Variants in VCL observed in about 807,000 individuals in gnomAD.
The protein encoded by VCL is vinculin.
Under a neutral mutation model 125.7 loss-of-function variants are expected in VCL, and 47 were observed. The ratio of observed to expected loss-of-function variants is 0.37; its 90% CI spans 0.30 to 0.48. VCL has a LOEUF of 0.48. Among genes scored for constraint, VCL ranks in the 20% least tolerant of loss-of-function variants. VCL has a pLI of 0.99. For missense variants in VCL, 1,069 were observed against 1,455.5 expected, an observed-to-expected ratio of 0.73 and a Z score of 4.32; for synonymous variants, 458 against 514.6, an observed-to-expected ratio of 0.89 and a Z score of 1.49.
At chr10:74,105,596 AC>A (rs1840119512) in intron 16 of VCL, among the ~76,000 whole-genome samples, 1 of 151,730 alleles carries the variant, frequency 6.6e-6, no homozygotes, top group East Asian at 1.9e-4. Context: ...TGAGACTCTC[AC>A]CCAGGCCAGA....
intron 17 of VCL, 56 bp downstream of exon 17, chr10:74,107,410 A>G (rs569802475): frequency 6.2e-7 from 1 of 1,613,488 alleles, no homozygotes; most frequent in East Asian, 2.2e-5. Context: ...GACTTCAGCA[A>G]GAGAGAGGTA....
chr10:74,012,112 G>A (rs1840447476), intron 1 of VCL, among the ~76,000 whole-genome samples: 1 of 152,204 alleles, frequency 6.6e-6, no homozygotes, highest in Non-Finnish European at 1.5e-5. Flanking sequence ...AGTTGTTAGA[G>A]TTGAGAGTTG....
At chr10:74,101,323 CAA>C (rs946868220) in intron 14 of VCL, among the ~76,000 whole-genome samples, 2 of 139,158 alleles carry the variant, frequency 1.4e-5, no homozygotes, top group African/African-American at 5.2e-5. Context: ...CCGACTCTAC[CAA>C]AAAAAAAAAA....
intron 20 of VCL, among the ~76,000 whole-genome samples, 192 bp downstream of exon 20, chr10:74,114,579 AG>A (rs1840283698): frequency 6.6e-6 from 1 of 151,804 alleles, no homozygotes; most frequent in Non-Finnish European, 1.5e-5. Flanking sequence ...AGACAGATTC[AG>A]GAAAGGTTAC....
intron 1 of VCL, chr10:74,027,556 G>A (rs964294019): frequency 6.7e-6 from 1 of 150,052 alleles, no homozygotes; most frequent in Non-Finnish European, 1.5e-5. Context: ...AGCTACTCAG[G>A]AGGCTGAGGC....
At chr10:74,066,470 C>T (rs911886254) in intron 2 of VCL, among the ~76,000 whole-genome samples, 5 of 151,988 alleles carry the variant, frequency 3.3e-5, no homozygotes, top group East Asian at 3.9e-4. Flanking sequence ...GCATGCATAA[C>T]GGTATGATTC....
chr10:74,067,870 G>A (rs928797256), intron 2 of VCL, among the ~76,000 whole-genome samples: 1 of 152,144 alleles, frequency 6.6e-6, no homozygotes, highest in Non-Finnish European at 1.5e-5. Context: ...TGAGTATTGC[G>A]TGTTTTACTG....
intron 8 of VCL, among the ~76,000 whole-genome samples, chr10:74,084,594 TTC>T (rs1839737421): frequency 6.9e-6 from 1 of 145,874 alleles, no homozygotes; most frequent in Non-Finnish European, 1.6e-5. Context: ...GCCAAATTTT[TTC>T]TTTTTCTTTT....
intron 1 of VCL, among the ~76,000 whole-genome samples, chr10:74,008,896 A>G (rs1398809629): frequency 6.6e-6 from 1 of 152,200 alleles, no homozygotes; most frequent in Non-Finnish European, 1.5e-5. Context: ...GTCAACCCTT[A>G]AACCTTTCCA....
intron 2 of VCL, among the ~76,000 whole-genome samples, chr10:74,061,964 C>G (rs1006848622): frequency 4.8e-5 from 7 of 145,720 alleles, no homozygotes; most frequent in Non-Finnish European, 1.0e-4. Flanking sequence ...GGAGTGCAAT[C>G]ACGGCCCACT....
chr10:74,021,183 G>T (rs1840659074), intron 1 of VCL, among the ~76,000 whole-genome samples: 2 of 152,006 alleles, frequency 1.3e-5, no homozygotes, highest in Admixed American at 6.6e-5. Context: ...TTCCCAGGCT[G>T]CTCAGCAAAG....
At chr10:74,112,336 G>C (rs1466607195) in intron 19 of VCL, among the ~76,000 whole-genome samples, 1 of 152,078 alleles carries the variant, frequency 6.6e-6, no homozygotes, top group Non-Finnish European at 1.5e-5. Context: ...AAGAGAGATG[G>C]GGGGGGTCAC....
At chr10:74,070,898 T>C in intron 3 of VCL, 77 bp from the exon 4 acceptor site, 1 of 1,611,818 alleles carries the variant, frequency 6.2e-7, no homozygotes, top group Non-Finnish European at 8.5e-7. Flanking sequence ...GAAAATATGT[T>C]GAATGCTGCA....
intron 21 of VCL, among the ~76,000 whole-genome samples, chr10:74,116,360 T>C (rs944755473): frequency 2.0e-5 from 3 of 152,188 alleles, no homozygotes; most frequent in Non-Finnish European, 4.4e-5. Context: ...GTTTGCACAC[T>C]TCGCTGTTTC....
intron 2 of VCL, among the ~76,000 whole-genome samples, chr10:74,052,497 C>G (rs938667447): frequency 6.6e-6 from 1 of 151,636 alleles, no homozygotes; most frequent in Non-Finnish European, 1.5e-5. Context: ...ATGCCTCAGC[C>G]CCGCAAGTAG....
In VCL at chr10:74,097,217, G is replaced by T. The variant is rs774076269; in HGVS notation, c.1757G>T (p.Arg586Leu). Residue 586 changes from arginine to leucine, a missense_variant, in exon 13 of 22, where the codon CGG becomes CTG. Arg to Leu is a moderately radical substitution (Grantham distance 102). Coordinates refer to ENST00000211998, the MANE Select transcript of VCL (RefSeq NM_014000.3). The surrounding 1 kb of genome is among the most constrained non-coding windows in gnomAD (Gnocchi z 4.1). Reference sequence around the variant, plus strand: ...AATGTTTTTAAGGATCTAAAAGCTCGGATGCAGGAGGCCATGACTCAGGAA... The same window carrying T: ...AATGTTTTTAAGGATCTAAAAGCTCTGATGCAGGAGGCCATGACTCAGGAA... ...LQDSLKDLKA[R>L]MQEAMTQEVS... is the part of the protein sequence containing the mutation. The T allele has an allele frequency of 5.6e-6, 9 of 1,613,888 alleles. No homozygotes were observed. The highest frequency in any genetic ancestry group is 2.2e-5 in the South Asian group (2 of 91,046).
chr10:74,117,667 A>G (rs112282697), intron 21 of VCL, among the ~76,000 whole-genome samples: 44 of 152,334 alleles, frequency 2.9e-4, no homozygotes, highest in African/African-American at 1.0e-3. Flanking sequence ...AAGAATGAGC[A>G]GGGAAATCCT....
chr10:74,043,120 T>C lies in VCL; in HGVS notation c.206T>C (p.Ile69Thr). 1 of 1,613,476 alleles carries C rather than the reference T, an allele frequency of 6.2e-7. No individual in the cohort carries two copies. The highest frequency in any genetic ancestry group is 8.5e-7 in the Non-Finnish European group (1 of 1,179,688). ...KETVQTTEDQ[I>T]LKRDMPPAFI... Reference sequence around the variant, plus strand: ...ACTGTTCAAACCACTGAGGATCAGATTTTGAAGAGAGATATGCCACCAGCA... The same window carrying C: ...ACTGTTCAAACCACTGAGGATCAGACTTTGAAGAGAGATATGCCACCAGCA... The change falls in exon 2 of 22, where the codon ATT becomes ACT. Residue 69 changes from isoleucine (I) to threonine (T), a missense_variant. Coordinates refer to ENST00000211998, the MANE Select transcript of VCL (RefSeq NM_014000.3).
chr10:74,067,616 G>C (rs1220860099), intron 2 of VCL, among the ~76,000 whole-genome samples: 1 of 152,038 alleles, frequency 6.6e-6, no homozygotes. Context: ...TAGATTAATG[G>C]GTAAACAAAC....
Sources: gnomAD v4.1 joint callset for allele counts (sites outside exome capture counted in the v4.1 genomes callset) on GRCh38, gnomAD v4.1.1 for gene constraint, Gnocchi (gnomAD v3.1) non-coding constraint, MANE v1.5 for transcripts, NCBI Gene and HGNC (gene_info 2026-07-23, HGNC 2026-07-21) for gene names.